Variants in PWWP3A observed in about 807,000 individuals in gnomAD.
PWWP3A encodes the protein PWWP domain containing 3A, DNA repair factor.
A neutral mutation model predicts 79.0 loss-of-function variants in PWWP3A; 53 were observed. The observed-to-expected ratio is 0.67, with a 90% CI of 0.54 to 0.84. The LOEUF is 0.84. Among genes scored for constraint, PWWP3A ranks in the 40% least tolerant of loss-of-function variants. The pLI, the probability that PWWP3A is intolerant of heterozygous loss-of-function variation, is 0.00. For missense variants in PWWP3A, 973 were observed against 948.0 expected (o/e 1.03, Z -0.35); for synonymous variants, 443 against 394.4 (o/e 1.12, Z -1.46).
chr19:1,357,021 A>G lies in PWWP3A; in HGVS notation c.70A>G (p.Thr24Ala). The G allele has an allele frequency of 6.2e-7, 1 of 1,613,366 alleles. No homozygotes were observed. Residue 24 changes from threonine (T) to alanine (A), a missense_variant, in exon 3 of 14, where the codon ACC becomes GCC. Thr to Ala is a moderately conservative substitution (Grantham distance 58). Transcript: ENST00000591337. The part of the protein sequence containing the change: ...RLWPAKVLAR[T>A]ATSTKNKRRK... ...GTTTTAAATGTAGGTTTTGGCCCGAACCGCGACTTCAACAAAAAATAAGAG... is the reference window on the plus strand; with the variant it reads ...GTTTTAAATGTAGGTTTTGGCCCGAGCCGCGACTTCAACAAAAAATAAGAG...
chr19:1,362,214 A>G (rs1021823881), intron 5 of PWWP3A, 36 bp from the exon 6 acceptor site: 29 of 1,556,814 alleles, frequency 1.9e-5, no homozygotes, highest in Non-Finnish European at 2.6e-5. Flanking sequence ...AAGACAATGC[A>G]ATGACCATGA....
At position 1,370,743 on chromosome 19, in the gene PWWP3A, G is replaced by C. The variant is rs34502536; in HGVS notation, c.1651G>C (p.Gly551Arg). The C allele has an allele frequency of 3.8e-5, 57 of 1,493,398 alleles. No homozygotes were observed. Among genetic ancestry groups the C allele is most frequent in the African/African-American group, 9.7e-5 (7 of 71,798 alleles). The allele number at this position is 1,493,398 out of a possible 1,614,324, so 92.5% of individuals were successfully genotyped here. A position where few individuals can be genotyped will look rare whatever the true frequency, so the allele number is the denominator to read the frequency against. Residue 551 changes from glycine to arginine, a missense_variant, in exon 12 of 14, where the codon GGG (glycine) becomes CGG (arginine). By Grantham distance (125) the Gly-to-Arg change is moderately radical. Transcript: ENST00000591337. Reference sequence around the variant, plus strand: ...GGAGCCCGTGGTGGGGTGCCCCCTGGGGCAGAGGCAGCCCTGCCGGAAAAT... The same window carrying C: ...GGAGCCCGTGGTGGGGTGCCCCCTGCGGCAGAGGCAGCCCTGCCGGAAAAT... Reference protein sequence around the residue: ...PEEPVVGCPLGQRQPCRKMLP... With the variant: ...PEEPVVGCPLRQRQPCRKMLP...
At chr19:1,358,708 T>A in intron 4 of PWWP3A, 1 of 1,508,958 alleles carries the variant, frequency 6.6e-7, no homozygotes, top group Non-Finnish European at 8.9e-7. Context: ...GTGGTGAGCA[T>A]CAAGGTCATC....
In PWWP3A at chr19:1,356,990, TC is replaced by T; in HGVS notation, c.58-18del. On this transcript the variant is annotated intron_variant, in intron 2 of 13. Transcript: ENST00000591337. Reference sequence around the variant, plus strand: ...TCAGCTGTTGTAATAACAAGGATTTTCTTTTGTTTTAAATGTAGGTTTTGGC... The same window carrying T: ...TCAGCTGTTGTAATAACAAGGATTTTTTTTGTTTTAAATGTAGGTTTTGGC... The T allele has an allele frequency of 6.2e-7, 1 of 1,600,610 alleles. No individual in the cohort carries two copies. Among genetic ancestry groups the T allele is most frequent in the Non-Finnish European group, 8.5e-7 (1 of 1,172,436 alleles).
Position 1,360,072 on chromosome 19 carries a change from A to G in PWWP3A, c.215-64A>G. 6.8e-7 allele frequency: 1 copy of G among 1,471,684 alleles called. No homozygotes were observed. The highest frequency in any genetic ancestry group is 9.0e-7 in the Non-Finnish European group (1 of 1,111,556). The allele number at this position is 1,471,684 out of a possible 1,614,324, so 91.2% of individuals were successfully genotyped here. A position where few individuals can be genotyped will look rare whatever the true frequency, so the allele number is the denominator to read the frequency against. ...ATGAGACAAGCGAGCTTCTAAAGCG[A>G]TGCCGTGACCGCAGTGCCTGTGCAG... On this transcript the variant is annotated intron_variant, in intron 4 of 13. Coordinates refer to ENST00000591337, the MANE Select transcript of PWWP3A (RefSeq NM_001369789.1). The surrounding 1 kb of genome is among the most constrained non-coding windows in gnomAD (Gnocchi z 4.4).
Position 1,376,469 on chromosome 19 carries a change from T to A in PWWP3A, c.2076-50T>A, listed in dbSNP as rs370425587. On this transcript the variant is annotated intron_variant, in intron 13 of 13. Coordinates refer to ENST00000591337, the MANE Select transcript of PWWP3A (RefSeq NM_001369789.1). ...ACACCCAGTCCTCTCTCTCATATTCTTTAACACACAATGATTAATTACTAA... is the reference window on the plus strand; with the variant it reads ...ACACCCAGTCCTCTCTCTCATATTCATTAACACACAATGATTAATTACTAA... 150 of 1,592,998 alleles carry A rather than the reference T, an allele frequency of 9.4e-5. 1 individual carries two copies. Among genetic ancestry groups the A allele is most frequent in the Non-Finnish European group, 9.1e-5 (106 of 1,162,598 alleles).
At chr19:1,364,173 G>T (rs767817057) in intron 6 of PWWP3A, 1 of 548,252 alleles carries the variant, frequency 1.8e-6, no homozygotes, top group Non-Finnish European at 3.6e-6. Context: ...GCGGGGTTTA[G>T]AGTTAGGAAA....
At chr19:1,375,447 T>TTA (rs1189609547) in intron 13 of PWWP3A, among the ~76,000 whole-genome samples, 3 of 99,142 alleles carry the variant, frequency 3.0e-5, no homozygotes, top group Non-Finnish European at 4.1e-5. Flanking sequence ...CCATATATAT[T>TTA]TATATATAAT....
chr19:1,361,279 G>A (rs956858447), intron 5 of PWWP3A, among the ~76,000 whole-genome samples: 1 of 152,258 alleles, frequency 6.6e-6, no homozygotes, highest in Non-Finnish European at 1.5e-5. Context: ...TGAGTGGGGA[G>A]CCCGTAGAGG....
chr19:1,369,577 T>TC lies in PWWP3A; in HGVS notation c.1499-15dup, dbSNP rs756260017. 6.2e-7 allele frequency: 1 copy of TC among 1,614,110 alleles called. No individual in the cohort carries two copies. On this transcript the variant is annotated intron_variant, in intron 10 of 13. Coordinates refer to ENST00000591337, the MANE Select transcript of PWWP3A (RefSeq NM_001369789.1). The surrounding 1 kb of genome is among the most constrained non-coding windows in gnomAD (Gnocchi z 4.0). ...CCTCTTAGGTCTACACAGTGCTCTC[T>TC]CCCCTCCACCCCCTGCAGGCTGCGG...
At chr19:1,365,045 G>A (rs62127614) in intron 7 of PWWP3A, among the ~76,000 whole-genome samples, 20,242 of 152,234 alleles carry the variant, frequency 0.13, 1,355 homozygotes, top group Middle Eastern at 0.18. Flanking sequence ...GCGTGAACCC[G>A]AGAGGTAGAG....
At chr19:1,370,535 G>T (rs2082229803) in intron 11 of PWWP3A, 107 bp from the exon 12 acceptor site, 3 of 1,035,448 alleles carry the variant, frequency 2.9e-6, no homozygotes, top group Non-Finnish European at 2.7e-6. Context: ...GATCGCTAGG[G>T]TCTGCCCCCA....
chr19:1,360,146 T>G lies in PWWP3A; in HGVS notation c.225T>G (p.Asn75Lys). 2 of 1,559,400 alleles carry G rather than the reference T, an allele frequency of 1.3e-6. No homozygotes were observed. Residue 75 changes from asparagine (N) to lysine (K), a missense_variant, in exon 5 of 14, where the codon AAT becomes AAG. Physicochemically the swap from Asn to Lys is moderately conservative, Grantham distance 94 (BLOSUM62 0). Coordinates refer to ENST00000591337, the MANE Select transcript of PWWP3A (RefSeq NM_001369789.1). The surrounding 1 kb of genome is among the most constrained non-coding windows in gnomAD (Gnocchi z 4.4). ...EAIASSLASQ[N>K]EVPAAPLEEL... ...GTTCGGTCCTTGCAGCCTCACAGAA[T>G]GAGGTTCCTGCGGCACCCCTGGAAG...
intron 5 of PWWP3A, chr19:1,362,007 C>T (rs956364516): frequency 2.8e-6 from 1 of 350,948 alleles, no homozygotes; most frequent in Non-Finnish European, 5.3e-6. Context: ...TACGGCCCGC[C>T]TTCCCTTCAC....
chr19:1,375,528 T>TAAA (rs1568965167), intron 13 of PWWP3A, among the ~76,000 whole-genome samples: 1 of 79,072 alleles, frequency 1.3e-5, no homozygotes, highest in African/African-American at 5.8e-5. Context: ...AATCATATAA[T>TAAA]TTATATATTT....
chr19:1,365,989 A>G (rs1299015070), intron 7 of PWWP3A, among the ~76,000 whole-genome samples: 2 of 152,220 alleles, frequency 1.3e-5, no homozygotes, highest in Non-Finnish European at 2.9e-5. Flanking sequence ...TAGGAGGACA[A>G]ACCTGCCCTG....
chr19:1,371,261 G>A (rs2082253496), intron 12 of PWWP3A, 183 bp downstream of exon 12: 2 of 765,636 alleles, frequency 2.6e-6, no homozygotes, highest in Non-Finnish European at 4.5e-6. Context: ...GCGTGCGCTT[G>A]ACCCTGTGCG....
Position 1,356,330 on chromosome 19 carries a change from T to A in PWWP3A, c.-63T>A, listed in dbSNP as rs748666733. 1 of 1,544,228 alleles carries A rather than the reference T, an allele frequency of 6.5e-7. No homozygotes were observed. The highest frequency in any genetic ancestry group is 1.1e-5 in the South Asian group (1 of 89,608). ...CGTGCAAATTTCGTTCCAGGACACA[T>A]TGGCGTGAGACCTGGGAGTACGTTG... On this transcript the variant is annotated 5_prime_UTR_variant, in exon 2 of 14. In the 5' UTR this introduces an upstream ATG that the reference lacks. Coordinates refer to ENST00000591337, the MANE Select transcript of PWWP3A (RefSeq NM_001369789.1).
chr19:1,369,664 T>C lies in PWWP3A; in HGVS notation c.1549+18T>C. ...TGATATAAGTAAGTCTACAGGCACA[T>C]CTTGGAAAATGTGGTTTGCCTTTTA... On this transcript the variant is annotated intron_variant, in intron 11 of 13. Transcript: ENST00000591337. This position sits in a 1 kb window ranked among gnomAD's most constrained non-coding sequence, Gnocchi z 4.0. 6.2e-7 allele frequency: 1 copy of C among 1,614,014 alleles called. No individual in the cohort carries two copies.
Sources: allele counts gnomAD v4.1 joint callset (sites outside exome capture counted in the v4.1 genomes callset), GRCh38; gene constraint gnomAD v4.1.1; non-coding constraint Gnocchi (gnomAD v3.1); transcripts MANE v1.5; gene names NCBI Gene and HGNC (gene_info 2026-07-23, HGNC 2026-07-21).